The following KNSTRN variants were observed in gnomAD, a reference collection of about 807,000 sequenced individuals.
The protein encoded by KNSTRN is small kinetochore-associated protein.
KNSTRN carries 38 observed loss-of-function variants against 44.7 expected under a neutral mutation model. The observed-to-expected ratio is 0.85, with a 90% CI of 0.66 to 1.11. The LOEUF (loss-of-function observed/expected upper bound fraction) is 1.11, where lower values mean the gene tolerates loss of function less well. Among genes scored for constraint, KNSTRN ranks in the 50% most tolerant of loss-of-function variants. KNSTRN has a pLI of 0.00. For synonymous variants in KNSTRN, 158 were observed against 148.1 expected (o/e 1.07, Z -0.48); for missense variants, 406 against 375.8 (o/e 1.08, Z -0.66).
At chr15:40,386,821 T>C (rs1889911209) in intron 3 of KNSTRN, 6 of 510,572 alleles carry the variant, frequency 1.2e-5, no homozygotes, top group South Asian at 1.1e-4. Context: ...GTTGCTGCTC[T>C]GACCACACAG....
In KNSTRN at chr15:40,387,471, A is replaced by G. The variant is rs140263224; in HGVS notation, c.485+265A>G. ...AGGACCACTGCTGATTGGAAATCAC[A>G]CTTAGCTATGGCCCATCAACAGGAG... On this transcript the variant is annotated intron_variant, in intron 4 of 8. Coordinates refer to ENST00000249776, the MANE Select transcript of KNSTRN (RefSeq NM_033286.4). 5.9e-5 allele frequency among the ~76,000 whole-genome samples: 9 copies of G among 152,270 alleles called. No homozygotes were observed. The East Asian group carries it at 1.4e-3, about 23-fold the overall frequency.
intron 6 of KNSTRN, 93 bp downstream of exon 6, chr15:40,390,022 A>G: frequency 2.1e-6 from 2 of 941,652 alleles, no homozygotes; most frequent in Admixed American, 1.7e-5. Context: ...CAGCTGGCCC[A>G]GTATGTGCAG....
chr15:40,389,409 C>G lies in KNSTRN; in HGVS notation c.486-97C>G, dbSNP rs530130275. 9.4e-4 allele frequency: 802 copies of G among 852,920 alleles called. 16 individuals are homozygous for G. The South Asian group carries it at 9.9e-3, about 11-fold the overall frequency. The allele number at this position is 852,920 out of a possible 1,614,324, so 52.8% of individuals were successfully genotyped here. ...CAGGTGATCTGCCTGCCTCAGCCTC[C>G]CAAAGTGCTGGGATTACAGGCATGA... On this transcript the variant is annotated intron_variant, in intron 4 of 8. Coordinates refer to ENST00000249776, the MANE Select transcript of KNSTRN (RefSeq NM_033286.4).
intron 6 of KNSTRN, 110 bp downstream of exon 6, chr15:40,390,039 C>T: frequency 2.5e-6 from 2 of 809,568 alleles, no homozygotes; most frequent in South Asian, 3.0e-5. Flanking sequence ...GCAGGGGTTA[C>T]TTTCATAAAG....
At position 40,391,547 on chromosome 15, in the gene KNSTRN, A is replaced by G. The variant is rs780581712; in HGVS notation, c.740A>G (p.Asp247Gly). The G allele has an allele frequency of 1.2e-6, 2 of 1,613,268 alleles. No homozygotes were observed. Among genetic ancestry groups the G allele is most frequent in the Non-Finnish European group, 8.5e-7 (1 of 1,179,458 alleles). Reference protein sequence around the residue: ...SRQESTTDHMDSMLLLETLQE... With the variant: ...SRQESTTDHMGSMLLLETLQE... ...CAAGAATCCACTACTGATCACATGG[A>G]CTCTATGGTGAGGGCATGGGTGTGA... Residue 247 changes from aspartate to glycine, a missense_variant, in exon 7 of 9, where the codon GAC becomes GGC. Transcript: ENST00000249776.
chr15:40,389,370 T>G, intron 4 of KNSTRN, 136 bp from the exon 5 acceptor site: 5 of 640,026 alleles, frequency 7.8e-6, no homozygotes, highest in Non-Finnish European at 1.4e-5. Context: ...AGGCTGGTCT[T>G]GATTTCCCGA....
chr15:40,389,178 T>C (rs1422529224), intron 4 of KNSTRN: 2 of 464,358 alleles, frequency 4.3e-6, no homozygotes, highest in Non-Finnish European at 8.6e-6. Context: ...GGAGTTTTGC[T>C]CTTGTTGCCA....
chr15:40,392,462 A>G (rs1313450676), intron 8 of KNSTRN, among the ~76,000 whole-genome samples: 2 of 152,162 alleles, frequency 1.3e-5, no homozygotes, highest in Non-Finnish European at 2.9e-5. Context: ...GCTGAGGTGG[A>G]AGGATTACTT....
At chr15:40,389,782 A>G in intron 5 of KNSTRN, 54 bp from the exon 6 acceptor site, 4 of 1,560,182 alleles carry the variant, frequency 2.6e-6, no homozygotes, top group Non-Finnish European at 2.7e-6. Flanking sequence ...AGAAAGGGCA[A>G]CCACCCCTAG....
chr15:40,391,922 G>C, intron 7 of KNSTRN, 27 bp from the exon 8 acceptor site: 1 of 1,583,724 alleles, frequency 6.3e-7, no homozygotes, highest in Non-Finnish European at 8.6e-7. Context: ...ATGAAGATTT[G>C]TTTACTACAT....
In KNSTRN at chr15:40,383,351, T is replaced by C. The variant is rs377569161; in HGVS notation, c.304+29T>C. On this transcript the variant is annotated intron_variant, in intron 2 of 8. Transcript: ENST00000249776. ...AGGGTCCAAGCCACGCCCGGGGCAC[T>C]GCGGCCTGGCCGGGGATGGTCTCGG... is the stretch of plus-strand genomic sequence containing the variant. 36 of 1,562,652 alleles carry C rather than the reference T, an allele frequency of 2.3e-5. 1 individual carries two copies. The South Asian group carries it at 3.7e-4, about 16-fold the overall frequency.
At chr15:40,392,802 G>A (rs904703230) in intron 8 of KNSTRN, among the ~76,000 whole-genome samples, 3 of 150,946 alleles carry the variant, frequency 2.0e-5, no homozygotes, top group African/African-American at 7.3e-5. Flanking sequence ...GTAGAGACAG[G>A]GTTTCACTGT....
In KNSTRN at chr15:40,388,136, T is replaced by C. The variant is rs534666376; in HGVS notation, c.485+930T>C. ...CCCTAACCCAGCGGCGCTAGAGGAA[T>C]TAAAGACACACACACAGAAATATAG... is the stretch of plus-strand genomic sequence containing the variant. On this transcript the variant is annotated intron_variant, in intron 4 of 8. Coordinates refer to ENST00000249776, the MANE Select transcript of KNSTRN (RefSeq NM_033286.4). Among the ~76,000 whole-genome samples, 5 of 152,280 alleles carry C rather than the reference T, an allele frequency of 3.3e-5. No homozygotes were observed. In the East Asian group the frequency reaches 9.6e-4, roughly 29 times the overall value.
chr15:40,383,092 G>T, intron 1 of KNSTRN, 48 bp downstream of exon 1: 4 of 1,598,784 alleles, frequency 2.5e-6, no homozygotes, highest in South Asian at 1.1e-5. Context: ...GAGGAAGGAC[G>T]GAATGAGCTG....
Position 40,383,304 on chromosome 15 carries a change from A to T in KNSTRN, c.286A>T (p.Ser96Cys). The T allele has an allele frequency of 6.2e-7, 1 of 1,611,972 alleles. No homozygotes were observed. Among genetic ancestry groups the T allele is most frequent in the Non-Finnish European group, 8.5e-7 (1 of 1,178,750 alleles). The stretch of plus-strand genomic sequence containing the variant: ...TAGCCTGCAGCCCCCCTCTGCGCTG[A>T]GCGGCGGCCAGCCGGCAGGTGAGGG... The part of the protein sequence containing the change: ...VYSLQPPSAL[S>C]GGQPADTQTR... Residue 96 changes from serine (S) to cysteine (C), a missense_variant, in exon 2 of 9, where the codon AGC (serine) becomes TGC (cysteine). Coordinates refer to ENST00000249776, the MANE Select transcript of KNSTRN (RefSeq NM_033286.4).
At position 40,393,710 on chromosome 15, in the gene KNSTRN, C is replaced by T; in HGVS notation, c.*113C>T. ...GGACTCACCATCTCCAGAATGAAAACAATTTCTACAGTAGACTTAAGGACA... is the reference window on the plus strand; with the variant it reads ...GGACTCACCATCTCCAGAATGAAAATAATTTCTACAGTAGACTTAAGGACA... On this transcript the variant is annotated 3_prime_UTR_variant, in exon 9 of 9. Transcript: ENST00000249776. The T allele has an allele frequency of 1.0e-6, 1 of 967,848 alleles. No individual in the cohort carries two copies. The highest frequency in any genetic ancestry group is 2.6e-5 in the Admixed American group (1 of 38,674). The allele number at this position is 967,848 out of a possible 1,614,324, so 60.0% of individuals were successfully genotyped here.
At chr15:40,386,539 A>T in intron 3 of KNSTRN, 45 bp downstream of exon 3, 1 of 1,598,624 alleles carries the variant, frequency 6.3e-7, no homozygotes, top group East Asian at 2.2e-5. Context: ...CTTCCTAGAA[A>T]TTGCTCAATA....
At chr15:40,391,369 G>C in intron 6 of KNSTRN, 124 bp from the exon 7 acceptor site, 1 of 723,264 alleles carries the variant, frequency 1.4e-6, no homozygotes. Flanking sequence ...GAAAGTCCAG[G>C]ATGAGACACT....
chr15:40,393,419 C>G (rs758054217), intron 8 of KNSTRN, 50 bp from the exon 9 acceptor site: 1 of 1,600,204 alleles, frequency 6.2e-7, no homozygotes, highest in Non-Finnish European at 8.5e-7. Context: ...TCCTGTTAGT[C>G]AAGAGTTTTG....
Sources: allele counts gnomAD v4.1 joint callset (sites outside exome capture counted in the v4.1 genomes callset), GRCh38; gene constraint gnomAD v4.1.1; transcripts MANE v1.5; gene names NCBI Gene and HGNC (gene_info 2026-07-23, HGNC 2026-07-21).